Variants in PPEF1 observed in about 807,000 individuals in gnomAD.
The protein encoded by PPEF1 is serine/threonine-protein phosphatase with EF-hands 1.
A neutral mutation model predicts 53.3 loss-of-function variants in PPEF1; 12 were observed. That is an observed-to-expected ratio of 0.23 (90% CI 0.14 to 0.36). The LOEUF (loss-of-function observed/expected upper bound fraction) is 0.36, where lower values mean the gene tolerates loss of function less well. PPEF1 is among the 10% of genes least tolerant of loss of function. PPEF1 has a pLI of 1.00. For synonymous variants in PPEF1, 165 were observed against 176.7 expected (o/e 0.93, Z 0.52); for missense variants, 334 against 490.4 (o/e 0.68, Z 3.01).
chrX:18,765,407 A>G (rs1009426489), intron 6 of PPEF1, among the ~76,000 whole-genome samples: 1 of 111,655 alleles, frequency 9.0e-6, no homozygotes, highest in Non-Finnish European at 1.9e-5. Context: ...ATAGGTAATA[A>G]AATTGTACCA....
At chrX:18,788,130 C>A (rs975553254) in intron 9 of PPEF1, among the ~76,000 whole-genome samples, 4 of 110,363 alleles carry the variant, frequency 3.6e-5, no homozygotes, top group East Asian at 2.9e-4. Flanking sequence ...TCCTGGCTAA[C>A]ACGGTGACAC....
At chrX:18,755,630 A>C (rs1001562986) in intron 4 of PPEF1, among the ~76,000 whole-genome samples, 1 of 111,277 alleles carries the variant, frequency 9.0e-6, no homozygotes, top group Admixed American at 9.5e-5. Flanking sequence ...ATGTTGTGCA[A>C]CCATCACCAC....
upstream of PPEF1, among the ~76,000 whole-genome samples, chrX:18,682,028 G>A (rs1188968629): frequency 8.9e-6 from 1 of 112,490 alleles, no homozygotes; most frequent in Non-Finnish European, 1.9e-5. Context: ...ACTCCCACAA[G>A]TTTAAGAGGA....
At chrX:18,702,009 T>C (rs1460670791) in intron 6 of PPEF1, among the ~76,000 whole-genome samples, 3 of 111,827 alleles carry the variant, frequency 2.7e-5, no homozygotes, top group Non-Finnish European at 5.6e-5. Flanking sequence ...CAGCTTGGTC[T>C]TACAGACCTC....
intron 6 of PPEF1, among the ~76,000 whole-genome samples, chrX:18,777,594 A>G (rs781556187): frequency 5.5e-5 from 6 of 108,869 alleles, no homozygotes; most frequent in Non-Finnish European, 1.1e-4. Context: ...ATCTCCGCTC[A>G]CTGCCAGCTC....
intron 6 of PPEF1, among the ~76,000 whole-genome samples, chrX:18,766,034 C>T (rs1389979985): frequency 2.2e-5 from 2 of 91,353 alleles, no homozygotes; most frequent in Non-Finnish European, 4.2e-5. Flanking sequence ...CATTGCACTT[C>T]AGCCTGGGGG....
intron 1 of PPEF1, among the ~76,000 whole-genome samples, chrX:18,714,514 G>T (rs192580136): frequency 9.0e-6 from 1 of 110,877 alleles, no homozygotes; most frequent in East Asian, 2.8e-4. Flanking sequence ...CTTATGGTTC[G>T]CCCGCCTCGG....
intron 9 of PPEF1, 90 bp downstream of exon 9, chrX:18,784,138 T>G: frequency 2.3e-6 from 2 of 854,255 alleles, no homozygotes; most frequent in Non-Finnish European, 3.2e-6. Flanking sequence ...GATTTGTGTT[T>G]TAGTGGTTGT....
At chrX:18,746,736 A>G (rs1281653424) in intron 3 of PPEF1, among the ~76,000 whole-genome samples, 1 of 111,530 alleles carries the variant, frequency 9.0e-6, no homozygotes, top group Non-Finnish European at 1.9e-5. Flanking sequence ...TTATAAGTAT[A>G]TAAATAATAC....
intron 7 of PPEF1, among the ~76,000 whole-genome samples, chrX:18,781,835 A>G (rs984764345): frequency 2.7e-5 from 3 of 111,507 alleles, no homozygotes; most frequent in African/African-American, 9.8e-5. Flanking sequence ...GGTTCCTGAC[A>G]CTTTCTATTA....
upstream of PPEF1, chrX:18,675,837 T>C (rs917628104): frequency 1.8e-5 from 2 of 109,811 alleles, no homozygotes; most frequent in Non-Finnish European, 3.8e-5. Flanking sequence ...CAAAGGGTGA[T>C]TCTTGTTTTT....
At chrX:18,801,916 G>A (rs2046554020) in intron 10 of PPEF1, among the ~76,000 whole-genome samples, 2 of 106,289 alleles carry the variant, frequency 1.9e-5, no homozygotes, top group Admixed American at 1.0e-4. Context: ...CCCAGGAGGC[G>A]GAGTTTGCAG....
intron 8 of PPEF1, among the ~76,000 whole-genome samples, 166 bp from the exon 9 acceptor site, chrX:18,783,733 A>C (rs1670890645): frequency 9.0e-6 from 1 of 111,204 alleles, no homozygotes; most frequent in East Asian, 2.8e-4. Context: ...AAACAAAAAC[A>C]AAAACAGAAT....
At chrX:18,795,635 T>C (rs760357629) in intron 10 of PPEF1, among the ~76,000 whole-genome samples, 1 of 112,140 alleles carries the variant, frequency 8.9e-6, no homozygotes, top group Non-Finnish European at 1.9e-5. Context: ...TTAGCGTTTT[T>C]CTAAATTTCC....
chrX:18,737,991 A>T (rs1331807700), intron 3 of PPEF1, among the ~76,000 whole-genome samples: 2 of 109,798 alleles, frequency 1.8e-5, no homozygotes, highest in Non-Finnish European at 3.8e-5. Flanking sequence ...ATCTTCCTTC[A>T]TCCCTTTATT....
intron 10 of PPEF1, 45 bp from the exon 11 acceptor site, chrX:18,803,847 A>C (rs767798192): frequency 1.1e-5 from 12 of 1,075,776 alleles, no homozygotes; most frequent in Non-Finnish European, 1.5e-5. Flanking sequence ...AGAAAGATAT[A>C]CTCTCACTTG....
chrX:18,739,962 C>T (rs1026980727), intron 3 of PPEF1, among the ~76,000 whole-genome samples: 2 of 112,456 alleles, frequency 1.8e-5, no homozygotes, highest in Non-Finnish European at 3.8e-5. Flanking sequence ...TCCTAGTGTG[C>T]CATTTGCTAA....
intron 1 of PPEF1, 130 bp from the exon 2 acceptor site, chrX:18,730,051 T>C: frequency 6.6e-6 from 4 of 603,699 alleles, no homozygotes; most frequent in Non-Finnish European, 9.7e-6. Context: ...TCTCATTGTT[T>C]GGTGTTTTAA....
At chrX:18,737,905 C>G (rs12850696) in intron 3 of PPEF1, among the ~76,000 whole-genome samples, 1 of 111,012 alleles carries the variant, frequency 9.0e-6, no homozygotes, top group African/African-American at 3.3e-5. Flanking sequence ...TTTTATCTTT[C>G]TTGGTTTAAA....
Sources: gnomAD v4.1 joint callset for allele counts (sites outside exome capture counted in the v4.1 genomes callset) on GRCh38, gnomAD v4.1.1 for gene constraint, MANE v1.5 for transcripts, NCBI Gene and HGNC (gene_info 2026-07-23, HGNC 2026-07-21) for gene names.